Variants in LSAMP observed in about 807,000 individuals in gnomAD.
LSAMP encodes limbic system-associated membrane protein.
Under a neutral mutation model 38.6 loss-of-function variants are expected in LSAMP, and 7 were observed. That is an observed-to-expected ratio of 0.18 (90% CI 0.10 to 0.34). The LOEUF is 0.34. Ranked by LOEUF, LSAMP falls within the 10% of genes least tolerant of loss-of-function variation. The probability of loss-of-function intolerance (pLI) is 1.00; values close to 1 mark genes in which losing one functional copy is unlikely to be tolerated. For synonymous variants in LSAMP, 154 were observed against 166.8 expected, an observed-to-expected ratio of 0.92 and a Z score of 0.59; for missense variants, 313 against 420.0, an observed-to-expected ratio of 0.75 and a Z score of 2.23.
At chr3:116,286,121 C>A (rs1401331639) in intron 1 of LSAMP, among the ~76,000 whole-genome samples, 2 of 152,132 alleles carry the variant, frequency 1.3e-5, no homozygotes, top group African/African-American at 4.8e-5. Flanking sequence ...AGAAGAGGGG[C>A]ATTTGAGGCA....
chr3:116,118,606 T>C (rs1367094385), intron 1 of LSAMP, among the ~76,000 whole-genome samples: 1 of 152,206 alleles, frequency 6.6e-6, no homozygotes, highest in African/African-American at 2.4e-5. Context: ...GATGTGTGTT[T>C]GATCCATCGT....
chr3:116,366,146 G>A (rs1357776837), intron 1 of LSAMP, among the ~76,000 whole-genome samples: 2 of 149,882 alleles, frequency 1.3e-5, no homozygotes, highest in Non-Finnish European at 3.0e-5. Context: ...AATATCCAGA[G>A]TCTATAAGGA....
chr3:116,397,933 C>A (rs2048790025), intron 1 of LSAMP, among the ~76,000 whole-genome samples: 1 of 151,922 alleles, frequency 6.6e-6, no homozygotes, highest in African/African-American at 2.4e-5. Context: ...TGATGCCTGC[C>A]TTCCACTTGA....
chr3:116,087,856 A>G (rs750298766), intron 1 of LSAMP, among the ~76,000 whole-genome samples: 1 of 151,644 alleles, frequency 6.6e-6, no homozygotes, highest in East Asian at 1.9e-4. Context: ...TCCTTATCCT[A>G]TTAATTTTAA....
chr3:116,182,553 G>A (rs1026545269), intron 1 of LSAMP, among the ~76,000 whole-genome samples: 1 of 151,614 alleles, frequency 6.6e-6, no homozygotes, highest in Non-Finnish European at 1.5e-5. Context: ...ATTTTTTCAG[G>A]GTAGGTGTTT....
chr3:116,098,489 C>T (rs569797020), intron 1 of LSAMP, among the ~76,000 whole-genome samples: 4 of 152,152 alleles, frequency 2.6e-5, no homozygotes, highest in East Asian at 3.9e-4. Flanking sequence ...AGCAAAACTC[C>T]GTCTCAAAAA....
intron 1 of LSAMP, among the ~76,000 whole-genome samples, chr3:116,088,431 C>A (rs915683253): frequency 2.6e-5 from 4 of 152,002 alleles, no homozygotes; most frequent in Non-Finnish European, 5.9e-5. Context: ...CTCAGTTTTA[C>A]TTTTGCTGTT....
chr3:115,841,845 T>G lies in LSAMP; in HGVS notation c.919A>C (p.Arg307=). The change falls in exon 6 of 7, where the codon AGA becomes CGA. Residue 307 remains arginine (R), a splice_region_variant and synonymous_variant. Transcript: ENST00000490035. The part of the protein sequence containing the change: ...GVTNASLVLF[R]PGSVRGINGS... ...TTGGGCCCTGCTTTGGCATACTTAC[T>G]GAAAAGGACTAGGCTGGCATTGGTG... The G allele has an allele frequency of 2.5e-6, 4 of 1,599,104 alleles. No individual in the cohort carries two copies. Among genetic ancestry groups the G allele is most frequent in the Non-Finnish European group, 3.4e-6 (4 of 1,174,382 alleles).
At chr3:116,120,186 T>C (rs1040452503) in intron 1 of LSAMP, among the ~76,000 whole-genome samples, 1 of 152,054 alleles carries the variant, frequency 6.6e-6, no homozygotes. Flanking sequence ...TCAAATAAGA[T>C]ATATTATAAT....
chr3:115,888,593 C>T (rs13065514), intron 3 of LSAMP, among the ~76,000 whole-genome samples: 24,271 of 151,824 alleles, frequency 0.16, 2,012 homozygotes, highest in Middle Eastern at 0.21. Context: ...CAAACTGATC[C>T]GAATCCACTC....
At chr3:115,835,908 T>A (rs1415244430) in intron 6 of LSAMP, among the ~76,000 whole-genome samples, 2 of 152,248 alleles carry the variant, frequency 1.3e-5, no homozygotes, top group African/African-American at 4.8e-5. Flanking sequence ...CTCCACTGGT[T>A]ATTTGGTATT....
chr3:116,227,987 G>A (rs1032172199), intron 1 of LSAMP, among the ~76,000 whole-genome samples: 2 of 152,090 alleles, frequency 1.3e-5, no homozygotes, highest in Non-Finnish European at 2.9e-5. Context: ...TGTAAATAGT[G>A]ACCACAGTCT....
rs140668435 is a variant in LSAMP, at chr3:115,930,296, A to G, written c.515-77679T>C. On this transcript the variant is annotated intron_variant, in intron 3 of 6. Coordinates refer to ENST00000490035, the MANE Select transcript of LSAMP (RefSeq NM_002338.5). ...ACCTGTAGATCCACGGCTAAAAGAAAATAATAAACACCCAATAAGCATGTA... is the reference window on the plus strand; with the variant it reads ...ACCTGTAGATCCACGGCTAAAAGAAGATAATAAACACCCAATAAGCATGTA... Among the ~76,000 whole-genome samples the G allele has an allele frequency of 8.6e-3, 1,305 of 152,236 alleles. 21 individuals are homozygous for G. The highest frequency in any genetic ancestry group is 0.029 in the African/African-American group (1,216 of 41,546).
chr3:116,435,236 T>C (rs1300650087), intron 1 of LSAMP, among the ~76,000 whole-genome samples: 1 of 152,202 alleles, frequency 6.6e-6, no homozygotes, highest in Non-Finnish European at 1.5e-5. Flanking sequence ...CCCTCTCTTT[T>C]ACTCCTTAAC....
intron 1 of LSAMP, among the ~76,000 whole-genome samples, chr3:116,371,655 T>C (rs1015363009): frequency 6.6e-6 from 1 of 152,112 alleles, no homozygotes; most frequent in African/African-American, 2.4e-5. Flanking sequence ...TCATCACTTC[T>C]ATTCAACATA....
chr3:116,274,667 C>T (rs1488266372), intron 1 of LSAMP, among the ~76,000 whole-genome samples: 1 of 151,704 alleles, frequency 6.6e-6, no homozygotes, highest in Non-Finnish European at 1.5e-5. Flanking sequence ...AGAAATTTGT[C>T]ACTGGATTTG....
intron 3 of LSAMP, among the ~76,000 whole-genome samples, chr3:115,908,161 T>G (rs1421841765): frequency 1.3e-5 from 2 of 152,002 alleles, no homozygotes; most frequent in African/African-American, 4.8e-5. Context: ...ATTTATGCCG[T>G]TTCATCTATC....
intron 1 of LSAMP, among the ~76,000 whole-genome samples, chr3:116,094,786 T>C (rs1708190938): frequency 6.6e-6 from 1 of 152,238 alleles, no homozygotes; most frequent in Non-Finnish European, 1.5e-5. Context: ...TGCAGCCTAT[T>C]TACTATTGGA....
At chr3:116,166,369 A>G (rs990033471) in intron 1 of LSAMP, among the ~76,000 whole-genome samples, 1 of 152,224 alleles carries the variant, frequency 6.6e-6, no homozygotes, top group Non-Finnish European at 1.5e-5. Context: ...ACTGAGGCAC[A>G]GAGATCTTCA....
Sources: gnomAD v4.1 joint callset for allele counts (sites outside exome capture counted in the v4.1 genomes callset) on GRCh38, gnomAD v4.1.1 for gene constraint, MANE v1.5 for transcripts, NCBI Gene and HGNC (gene_info 2026-07-23, HGNC 2026-07-21) for gene names.